Variants in NXPE3 observed in about 807,000 individuals in gnomAD.
NXPE3 encodes the protein NXPE family member 3.
A neutral mutation model predicts 46.1 loss-of-function variants in NXPE3; 26 were observed. The ratio of observed to expected loss-of-function variants is 0.56; its 90% CI spans 0.41 to 0.78. NXPE3 has a LOEUF of 0.78. NXPE3 is among the 30% of genes least tolerant of loss of function. NXPE3 has a pLI of 0.00. For synonymous variants in NXPE3, 272 were observed against 257.9 expected (o/e 1.05, Z -0.52); for missense variants, 620 against 686.0 (o/e 0.90, Z 1.07).
chr3:101,796,091 G>T (rs957865302), intron 4 of NXPE3, among the ~76,000 whole-genome samples: 6 of 152,206 alleles, frequency 3.9e-5, no homozygotes, highest in Non-Finnish European at 8.8e-5. Context: ...AACCTCACCT[G>T]GTTCTCATAG....
chr3:101,812,239 A>G (rs1006756468), intron 6 of NXPE3, among the ~76,000 whole-genome samples: 1 of 152,230 alleles, frequency 6.6e-6, no homozygotes, highest in Non-Finnish European at 1.5e-5. Flanking sequence ...CTGGATGCAG[A>G]TGTCAAAGGG....
At chr3:101,793,908 T>G (rs949781414) in intron 4 of NXPE3, among the ~76,000 whole-genome samples, 1 of 151,994 alleles carries the variant, frequency 6.6e-6, no homozygotes, top group African/African-American at 2.4e-5. Flanking sequence ...TTTAAGACTC[T>G]CAGCCTCATC....
chr3:101,786,013 G>A (rs1940155674), intron 4 of NXPE3, among the ~76,000 whole-genome samples: 1 of 152,160 alleles, frequency 6.6e-6, no homozygotes, highest in South Asian at 2.1e-4. Flanking sequence ...AGGAAAGGGA[G>A]CTATTCTAGG....
intron 4 of NXPE3, among the ~76,000 whole-genome samples, chr3:101,788,707 C>G (rs1015418277): frequency 6.6e-6 from 1 of 152,156 alleles, no homozygotes; most frequent in Non-Finnish European, 1.5e-5. Context: ...CCTCCTCCTC[C>G]CAGATTCAAG....
rs1232034571 is a variant in NXPE3 at position 101,824,459 on chromosome 3, T to G, written c.*2505T>G. ...AAGCGTTTGTATTTATTTATTTGTT[T>G]TTGAGACAGGGTCTTGCTCTTTTGC... On this transcript the variant is annotated 3_prime_UTR_variant, in exon 8 of 8. Transcript: ENST00000273347. The G allele has an allele frequency of 6.6e-6, 1 of 152,442 alleles. No homozygotes were observed. Among genetic ancestry groups the G allele is most frequent in the Non-Finnish European group, 1.5e-5 (1 of 68,186 alleles). The allele number at this position is 152,442 out of a possible 1,614,324, so 9.4% of individuals were successfully genotyped here.
intron 4 of NXPE3, among the ~76,000 whole-genome samples, chr3:101,795,815 C>T (rs1184382403): frequency 6.6e-6 from 1 of 152,176 alleles, no homozygotes; most frequent in Non-Finnish European, 1.5e-5. Flanking sequence ...GAATCAGCCT[C>T]TGTTTGTCTG....
At chr3:101,818,731 ATATATATATATATATATATATATTTT>A (rs1390122823) in intron 7 of NXPE3, among the ~76,000 whole-genome samples, 2 of 22,918 alleles carry the variant, frequency 8.7e-5, no homozygotes, top group Non-Finnish European at 1.7e-4. Context: ...ATATATATAT[ATATATATATATATATATATATATTTT>A]TTTTTTTTTT....
chr3:101,803,957 C>T (rs958727576), intron 5 of NXPE3, among the ~76,000 whole-genome samples: 2 of 152,162 alleles, frequency 1.3e-5, no homozygotes, highest in Non-Finnish European at 2.9e-5. Flanking sequence ...ATTATGGATA[C>T]ATCCTAGTTG....
intron 4 of NXPE3, among the ~76,000 whole-genome samples, chr3:101,790,773 CT>C (rs1264812076): frequency 3.3e-5 from 5 of 151,388 alleles, no homozygotes; most frequent in Non-Finnish European, 5.9e-5. Context: ...TTTGTATTTT[CT>C]TTTTAGATAC....
chr3:101,784,956 T>C (rs527589211), intron 3 of NXPE3, among the ~76,000 whole-genome samples: 32 of 152,228 alleles, frequency 2.1e-4, no homozygotes, highest in Non-Finnish European at 4.0e-4. Flanking sequence ...AATGTCAGGA[T>C]GCTTTGCACA....
intron 1 of NXPE3, chr3:101,781,625 T>A (rs1250435261): frequency 6.6e-6 from 1 of 152,214 alleles, no homozygotes; most frequent in Non-Finnish European, 1.5e-5. Flanking sequence ...TTGCTTGTTC[T>A]TTGCACATAT....
At chr3:101,782,629 C>T (rs1560033275) in intron 2 of NXPE3, 31 bp from the exon 3 acceptor site, 2 of 151,840 alleles carry the variant, frequency 1.3e-5, no homozygotes, top group African/African-American at 4.8e-5. Context: ...TGGTTTTATT[C>T]TTTATTTTAT....
intron 1 of NXPE3, among the ~76,000 whole-genome samples, chr3:101,780,247 G>A (rs1463097119): frequency 1.3e-5 from 2 of 152,134 alleles, no homozygotes; most frequent in African/African-American, 2.4e-5. Flanking sequence ...CTATTTCTCC[G>A]TAGTGTTTGG....
intron 6 of NXPE3, among the ~76,000 whole-genome samples, chr3:101,812,391 GGAA>G (rs1310054621): frequency 6.6e-6 from 1 of 152,088 alleles, no homozygotes; most frequent in Non-Finnish European, 1.5e-5. Flanking sequence ...TTTGAGGGAA[GGAA>G]GCCTCCTCAA....
chr3:101,794,838 G>A (rs11714444), intron 4 of NXPE3, among the ~76,000 whole-genome samples: 46,775 of 152,008 alleles, frequency 0.31, 7,406 homozygotes, highest in Non-Finnish European at 0.34. Flanking sequence ...GGAAACTTCC[G>A]TACTTAATGC....
chr3:101,782,464 T>TA (rs1269998788), intron 2 of NXPE3, among the ~76,000 whole-genome samples, 174 bp downstream of exon 2: 1 of 152,082 alleles, frequency 6.6e-6, no homozygotes, highest in Admixed American at 6.6e-5. Flanking sequence ...AAAAACCTGT[T>TA]ACAGTTTTTT....
intron 1 of NXPE3, among the ~76,000 whole-genome samples, chr3:101,780,695 C>T (rs1289385915): frequency 6.6e-6 from 1 of 152,214 alleles, no homozygotes; most frequent in Non-Finnish European, 1.5e-5. Context: ...TTGAGGACCA[C>T]AACCTATCAA....
chr3:101,807,189 C>A, intron 6 of NXPE3, 63 bp downstream of exon 6: 1 of 1,257,178 alleles, frequency 8.0e-7, no homozygotes, highest in Non-Finnish European at 1.2e-6. Context: ...GAGGCTCTGT[C>A]GTTTCATTTA....
chr3:101,791,577 G>T (rs1200582330), intron 4 of NXPE3, among the ~76,000 whole-genome samples: 2 of 151,976 alleles, frequency 1.3e-5, no homozygotes, highest in Non-Finnish European at 2.9e-5. Flanking sequence ...GTAGAGACAT[G>T]GTTTCACTAT....
Sources: allele counts gnomAD v4.1 joint callset (sites outside exome capture counted in the v4.1 genomes callset), GRCh38; gene constraint gnomAD v4.1.1; transcripts MANE v1.5; gene names NCBI Gene and HGNC (gene_info 2026-07-23, HGNC 2026-07-21).